PAPPA: variants seen among roughly 807,000 people sequenced by gnomAD.
PAPPA encodes the protein pappalysin-1.
A neutral mutation model predicts 164.0 loss-of-function variants in PAPPA; 60 were observed. The ratio of observed to expected loss-of-function variants is 0.37; its 90% CI spans 0.30 to 0.45. The LOEUF (loss-of-function observed/expected upper bound fraction) is 0.45. PAPPA is among the 20% of genes least tolerant of loss of function. The probability of loss-of-function intolerance (pLI) is 1.00; values close to 1 mark genes in which losing one functional copy is unlikely to be tolerated. For missense variants in PAPPA, 1,782 were observed against 2,087.3 expected (o/e 0.85, Z 2.85); for synonymous variants, 875 against 814.1 (o/e 1.07, Z -1.27).
intron 1 of PAPPA, among the ~76,000 whole-genome samples, chr9:116,156,354 A>ATATATGTG (rs1843605473): frequency 8.0e-6 from 1 of 124,766 alleles, no homozygotes; most frequent in African/African-American, 2.7e-5. Flanking sequence ...ATATGTATAT[A>ATATATGTG]TATATATATA....
chr9:116,249,971 A>ATG (rs1307587692), intron 7 of PAPPA, among the ~76,000 whole-genome samples: 3 of 150,752 alleles, frequency 2.0e-5, no homozygotes, highest in African/African-American at 4.9e-5. Flanking sequence ...GTTTGTATGC[A>ATG]TGTGTGTGTG....
chr9:116,258,809 A>G (rs796899234), intron 7 of PAPPA, among the ~76,000 whole-genome samples: 12 of 152,302 alleles, frequency 7.9e-5, no homozygotes, highest in African/African-American at 2.4e-4. Flanking sequence ...ATTTGGGGGG[A>G]AAAACAATCC....
chr9:116,314,177 C>T (rs1038104127), intron 10 of PAPPA, among the ~76,000 whole-genome samples: 3 of 144,868 alleles, frequency 2.1e-5, no homozygotes, highest in Non-Finnish European at 3.0e-5. Flanking sequence ...GTTTTTCAAG[C>T]GTCCTGCCTC....
At position 116,236,538 on chromosome 9, in the gene PAPPA, A is replaced by T. The variant is rs189691068; in HGVS notation, c.2732+901A>T. Reference sequence around the variant, plus strand: ...GGAGGCGGGGTTGCAGTGAACCGAGATCATGCCATTGCACTCCAGCCTCGG... The same window carrying T: ...GGAGGCGGGGTTGCAGTGAACCGAGTTCATGCCATTGCACTCCAGCCTCGG... On this transcript the variant is annotated intron_variant, in intron 7 of 21. Transcript: ENST00000328252. Among the ~76,000 whole-genome samples, 17 of 150,588 alleles carry T rather than the reference A, an allele frequency of 1.1e-4. No homozygotes were observed. The East Asian group carries it at 3.3e-3, about 30-fold the overall frequency.
chr9:116,326,933 G>A (rs1016563570), intron 10 of PAPPA, among the ~76,000 whole-genome samples: 12 of 152,184 alleles, frequency 7.9e-5, no homozygotes, highest in Admixed American at 5.2e-4. Context: ...TTAAGGTCAA[G>A]TAATATTCCA....
At chr9:116,349,166 T>C (rs532993962) in intron 15 of PAPPA, among the ~76,000 whole-genome samples, 1 of 150,772 alleles carries the variant, frequency 6.6e-6, no homozygotes, top group Non-Finnish European at 1.5e-5. Context: ...AGCCCTTGGC[T>C]AATGCAGCCA....
intron 7 of PAPPA, among the ~76,000 whole-genome samples, chr9:116,239,986 T>A (rs1844717171): frequency 6.6e-6 from 1 of 152,152 alleles, no homozygotes; most frequent in Non-Finnish European, 1.5e-5. Flanking sequence ...CAGGGAAGCA[T>A]CTTTTTCTCC....
intron 10 of PAPPA, among the ~76,000 whole-genome samples, chr9:116,328,794 A>G (rs910640411): frequency 2.0e-5 from 3 of 152,194 alleles, no homozygotes; most frequent in East Asian, 3.8e-4. Context: ...TCCATGGAAG[A>G]CATGTGAAAA....
At chr9:116,261,887 GTGTTTTGTTT>G (rs71300680) in intron 7 of PAPPA, among the ~76,000 whole-genome samples, 112 of 151,058 alleles carry the variant, frequency 7.4e-4, no homozygotes, top group African/African-American at 2.6e-3. Flanking sequence ...GTAGAAAAAA[GTGTTTTGTTT>G]TGTTTTGTTT....
rs1847066811 is a variant in PAPPA at position 116,402,115 on chromosome 9, C to T, written c.*5499C>T. On this transcript the variant is annotated 3_prime_UTR_variant, in exon 22 of 22. Coordinates refer to ENST00000328252, the MANE Select transcript of PAPPA (RefSeq NM_002581.5). ...GTTCATCTAATTTATTTTTTCTATACAGTTTTAAATACTCAGACATATTTT... is the reference window on the plus strand; with the variant it reads ...GTTCATCTAATTTATTTTTTCTATATAGTTTTAAATACTCAGACATATTTT... The T allele has an allele frequency of 6.6e-6, 1 of 152,244 alleles. No homozygotes were observed. Among genetic ancestry groups the T allele is most frequent in the Non-Finnish European group, 1.5e-5 (1 of 67,950 alleles). The allele number at this position is 152,244 out of a possible 1,614,324, so 9.4% of individuals were successfully genotyped here.
intron 7 of PAPPA, among the ~76,000 whole-genome samples, chr9:116,247,269 C>T (rs1844807890): frequency 6.6e-6 from 1 of 152,224 alleles, no homozygotes; most frequent in Admixed American, 6.5e-5. Flanking sequence ...GCAAGGAATG[C>T]TAGTTTCAAC....
At chr9:116,208,271 C>T (rs1219661160) in intron 3 of PAPPA, among the ~76,000 whole-genome samples, 4 of 152,188 alleles carry the variant, frequency 2.6e-5, no homozygotes, top group Admixed American at 2.0e-4. Context: ...TCTTCCAGGA[C>T]ACATCTATAT....
At chr9:116,268,968 A>G (rs1845106205) in intron 8 of PAPPA, among the ~76,000 whole-genome samples, 1 of 152,194 alleles carries the variant, frequency 6.6e-6, no homozygotes, top group African/African-American at 2.4e-5. Flanking sequence ...ATGAAGAAAT[A>G]TGGATAGACT....
chr9:116,388,218 A>G (rs1318975909), intron 21 of PAPPA, among the ~76,000 whole-genome samples: 1 of 152,158 alleles, frequency 6.6e-6, no homozygotes, highest in Non-Finnish European at 1.5e-5. Context: ...ACCTGCCTGC[A>G]GTGTGAGGCA....
chr9:116,361,675 G>A (rs1349083027), intron 17 of PAPPA, among the ~76,000 whole-genome samples: 1 of 152,128 alleles, frequency 6.6e-6, no homozygotes, highest in Non-Finnish European at 1.5e-5. Context: ...CACAGCACTG[G>A]TGTGATATTT....
Position 116,396,567 on chromosome 9 carries a change from A to G in PAPPA, c.4835A>G (p.Gln1612Arg), listed in dbSNP as rs1271528008. 1 of 780,872 alleles carries G rather than the reference A, an allele frequency of 1.3e-6. No homozygotes were observed. Among genetic ancestry groups the G allele is most frequent in the South Asian group, 1.3e-5 (1 of 74,592 alleles). The allele number at this position is 780,872 out of a possible 1,614,324, so 48.4% of individuals were successfully genotyped here. ...GGTGACTGTGCTTGTCGGGACCCCC[A>G]GGCCCAAGAACACAGCCGGAAAGAC... Reference protein sequence around the residue: ...LQGDCACRDPQAQEHSRKDLR... With the variant: ...LQGDCACRDPRAQEHSRKDLR... The change falls in exon 22 of 22, where the codon CAG (glutamine) becomes CGG (arginine). Residue 1612 changes from glutamine (Q) to arginine (R), a missense_variant. By Grantham distance (43) the Gln-to-Arg change is conservative (BLOSUM62 1). Coordinates refer to ENST00000328252, the MANE Select transcript of PAPPA (RefSeq NM_002581.5).
chr9:116,368,246 T>A (rs982693587), intron 19 of PAPPA, among the ~76,000 whole-genome samples: 2 of 152,206 alleles, frequency 1.3e-5, no homozygotes, highest in Non-Finnish European at 2.9e-5. Flanking sequence ...AATTAATAGG[T>A]GTCTAGCAAA....
chr9:116,282,623 G>C (rs1044732787), intron 9 of PAPPA, among the ~76,000 whole-genome samples: 1 of 152,172 alleles, frequency 6.6e-6, no homozygotes, highest in Non-Finnish European at 1.5e-5. Context: ...GAGATGTTAC[G>C]TTCCCAGTAA....
In PAPPA at chr9:116,235,567, G is replaced by A. The variant is rs1449234406; in HGVS notation, c.2662G>A (p.Val888Met). Residue 888 changes from valine (V) to methionine (M), a missense_variant, in exon 7 of 22, where the codon GTG becomes ATG. Coordinates refer to ENST00000328252, the MANE Select transcript of PAPPA (RefSeq NM_002581.5). ...ACAGTGTAAGCCCCTGAAGTATAAG[G>A]TGGTCCGGGACCCTCCTCTCCAGAT... is the stretch of plus-strand genomic sequence containing the variant. Reference protein sequence around the residue: ...CLQCKPLKYKVVRDPPLQMDV... With the variant: ...CLQCKPLKYKMVRDPPLQMDV... 1.9e-6 allele frequency: 3 copies of A among 1,613,470 alleles called. No individual in the cohort carries two copies. The highest frequency in any genetic ancestry group is 1.7e-5 in the Admixed American group (1 of 59,994).
Sources: allele counts gnomAD v4.1 joint callset (sites outside exome capture counted in the v4.1 genomes callset), GRCh38; gene constraint gnomAD v4.1.1; transcripts MANE v1.5; gene names NCBI Gene and HGNC (gene_info 2026-07-23, HGNC 2026-07-21).